Variants in TMPRSS6 observed in about 807,000 individuals in gnomAD.
TMPRSS6 encodes the protein transmembrane serine protease 6.
In TMPRSS6, 67 loss-of-function variants were observed where a neutral mutation model predicts 101.5. The ratio of observed to expected loss-of-function variants is 0.66; its 90% CI spans 0.54 to 0.81. The LOEUF (loss-of-function observed/expected upper bound fraction) is 0.81. TMPRSS6 is among the 30% of genes least tolerant of loss of function. The pLI is 0.00. For synonymous variants in TMPRSS6, 453 were observed against 464.9 expected, an observed-to-expected ratio of 0.97 and a Z score of 0.33; for missense variants, 1,034 against 1,088.7, an observed-to-expected ratio of 0.95 and a Z score of 0.71.
At chr22:37,084,582 T>A in intron 9 of TMPRSS6, 145 bp downstream of exon 9, 1 of 843,260 alleles carries the variant, frequency 1.2e-6, no homozygotes, top group Admixed American at 2.1e-5. Context: ...CACAGCCCTC[T>A]CCACCCTGGC....
At chr22:37,076,001 A>G in intron 10 of TMPRSS6, among the ~76,000 whole-genome samples, 1 of 147,806 alleles carries the variant, frequency 6.8e-6, no homozygotes, top group East Asian at 1.9e-4. Context: ...GAAAGAAAGG[A>G]AGAAAGAAAG....
chr22:37,099,244 G>A (rs549128857), intron 2 of TMPRSS6, among the ~76,000 whole-genome samples: 19 of 152,352 alleles, frequency 1.2e-4, no homozygotes, highest in African/African-American at 4.3e-4. Context: ...AGCAGAGGGA[G>A]CAGCATGGGG....
At chr22:37,074,824 C>G in intron 11 of TMPRSS6, 116 bp from the exon 12 acceptor site, 1 of 1,101,224 alleles carries the variant, frequency 9.1e-7, no homozygotes, top group Non-Finnish European at 1.4e-6. Context: ...TGGACAGGCA[C>G]CCACAGACGT....
chr22:37,089,361 G>A (rs1049708091), intron 7 of TMPRSS6, among the ~76,000 whole-genome samples: 1 of 152,130 alleles, frequency 6.6e-6, no homozygotes, highest in Middle Eastern at 3.4e-3. Context: ...GTTACAGATG[G>A]GGAAACTGAG....
Position 37,065,728 on chromosome 22 carries a change from G to T in TMPRSS6, c.*352C>A. The T allele has an allele frequency of 2.8e-6, 1 of 354,840 alleles. No homozygotes were observed. Among genetic ancestry groups the T allele is most frequent in the South Asian group, 2.7e-5 (1 of 36,604 alleles). The allele number at this position is 354,840 out of a possible 1,614,324, so 22.0% of individuals were successfully genotyped here. ...CCAAACAGCCTCTGTACAGAGTGGG[G>T]CGCACCTCAGACACTCCTCGGGATG... On this transcript the variant is annotated 3_prime_UTR_variant, in exon 18 of 18. Transcript: ENST00000676104.
At chr22:37,070,820 G>A (rs1926823950) in intron 14 of TMPRSS6, 96 bp downstream of exon 14, 7 of 1,377,716 alleles carry the variant, frequency 5.1e-6, no homozygotes, top group East Asian at 2.3e-5. Flanking sequence ...GATAGAGAGA[G>A]ACCAGGGGAC....
intron 3 of TMPRSS6, among the ~76,000 whole-genome samples, chr22:37,097,745 GGCAGGAGCGGCCACTGTCCTGTAAC>G (rs1361766914): frequency 6.2e-5 from 8 of 128,654 alleles, no homozygotes; most frequent in African/African-American, 2.3e-4. Flanking sequence ...GTAACGGAGG[GGCAGGAGCGGCCACTGTCCTGTAAC>G]GGAGGGGCAG....
chr22:37,103,685 A>G lies in TMPRSS6; in HGVS notation c.-1-267T>C. 2 of 1,199,578 alleles carry G rather than the reference A, an allele frequency of 1.7e-6. No individual in the cohort carries two copies. Among genetic ancestry groups the G allele is most frequent in the Non-Finnish European group, 2.4e-6 (2 of 822,784 alleles). 74.3% of individuals were successfully genotyped at this position (1,199,578 alleles called of 1,614,324 possible). A position where few individuals can be genotyped will look rare whatever the true frequency, so the allele number is the denominator to read the frequency against. On this transcript the variant is annotated intron_variant, in intron 1 of 17. Coordinates refer to ENST00000676104, the MANE Select transcript of TMPRSS6 (RefSeq NM_001374504.1). This position sits in a 1 kb window ranked among gnomAD's most constrained non-coding sequence, Gnocchi z 4.4. ...ACCTTTGCTTCCCACTGGCTTCCCTATGGTCAGAGGACAGACGGAGGTCTC... is the reference window on the plus strand; with the variant it reads ...ACCTTTGCTTCCCACTGGCTTCCCTGTGGTCAGAGGACAGACGGAGGTCTC...
In TMPRSS6 at chr22:37,084,717, G is replaced by A. The variant is rs1482265664; in HGVS notation, c.1086+10C>T. ...CAGAGGGCAGGTGGGCAGGCAGGGT[G>A]GGGTCTCACCGTGAGGTGCCAGGAG... On this transcript the variant is annotated intron_variant, in intron 9 of 17. Transcript: ENST00000676104. The A allele has an allele frequency of 1.3e-6, 2 of 1,553,916 alleles. No individual in the cohort carries two copies. Among genetic ancestry groups the A allele is most frequent in the South Asian group, 2.4e-5 (2 of 84,436 alleles).
chr22:37,076,889 A>G (rs1927722028), intron 10 of TMPRSS6, among the ~76,000 whole-genome samples: 1 of 152,254 alleles, frequency 6.6e-6, no homozygotes, highest in Non-Finnish European at 1.5e-5. Context: ...AGAGAGCATC[A>G]GGAATGCCCC....
rs1926598171 is a variant in TMPRSS6 at position 37,069,026 on chromosome 22, T to G, written c.2113+47A>C. ...TCCAGGCCAGGTGTTACGGCGCAGA[T>G]CCGCACGGTCTCCCTCCGCCTCCCG... On this transcript the variant is annotated intron_variant, in intron 16 of 17. Transcript: ENST00000676104. This position sits in a 1 kb window ranked among gnomAD's most constrained non-coding sequence, Gnocchi z 4.8. The G allele has an allele frequency of 1.3e-6, 2 of 1,532,596 alleles. No homozygotes were observed. Among genetic ancestry groups the G allele is most frequent in the Non-Finnish European group, 1.7e-6 (2 of 1,145,998 alleles). The allele number at this position is 1,532,596 out of a possible 1,614,324, so 94.9% of individuals were successfully genotyped here.
chr22:37,096,151 C>T (rs905395891), intron 4 of TMPRSS6, 61 bp from the exon 5 acceptor site: 3 of 1,590,186 alleles, frequency 1.9e-6, no homozygotes, highest in African/African-American at 1.3e-5. Context: ...CCCAGCTCCA[C>T]CCCTGCTCAT....
chr22:37,103,473 CT>C lies in TMPRSS6; in HGVS notation c.-1-56del, dbSNP rs775952072. On this transcript the variant is annotated intron_variant, in intron 1 of 17. Coordinates refer to ENST00000676104, the MANE Select transcript of TMPRSS6 (RefSeq NM_001374504.1). This position sits in a 1 kb window ranked among gnomAD's most constrained non-coding sequence, Gnocchi z 4.4. ...CAGCCTCGCATTTGCAAGGGAGCCT[CT>C]GCTGAGCACCGGTGGGGCACGGAAG... 1 of 1,614,252 alleles carries C rather than the reference CT, an allele frequency of 6.2e-7. No individual in the cohort carries two copies. Among genetic ancestry groups the C allele is most frequent in the South Asian group, 1.1e-5 (1 of 91,090 alleles).
intron 8 of TMPRSS6, 53 bp downstream of exon 8, chr22:37,086,230 C>A (rs1046262054): frequency 1.2e-6 from 2 of 1,612,570 alleles, no homozygotes; most frequent in African/African-American, 2.7e-5. Flanking sequence ...AGTGGAGGGC[C>A]CTTGGATTCT....
intron 1 of TMPRSS6, among the ~76,000 whole-genome samples, chr22:37,108,593 G>A (rs912212452): frequency 3.3e-5 from 5 of 152,178 alleles, no homozygotes; most frequent in South Asian, 2.1e-4. Flanking sequence ...GCGGGGCCGC[G>A]ACTCCCCCAG....
intron 11 of TMPRSS6, 40 bp downstream of exon 11, chr22:37,075,095 C>T (rs200589517): frequency 4.2e-5 from 68 of 1,613,440 alleles, no homozygotes; most frequent in African/African-American, 2.7e-4. Context: ...CAAGAGGCAG[C>T]GAGTCACTGC....
At chr22:37,089,460 T>C in intron 7 of TMPRSS6, 118 bp downstream of exon 7, 1 of 1,000,412 alleles carries the variant, frequency 1.0e-6, no homozygotes, top group Non-Finnish European at 1.5e-6. Context: ...GTCTCCCAGA[T>C]ACCCAGGCCC....
intron 14 of TMPRSS6, 38 bp from the exon 15 acceptor site, chr22:37,070,690 G>T: frequency 1.3e-6 from 2 of 1,595,494 alleles, no homozygotes; most frequent in East Asian, 2.2e-5. Flanking sequence ...GACAGAGGAG[G>T]AGGGGAAGGG....
chr22:37,094,357 TTC>T (rs1929542858), intron 6 of TMPRSS6, among the ~76,000 whole-genome samples: 1 of 151,976 alleles, frequency 6.6e-6, no homozygotes, highest in South Asian at 2.1e-4. Flanking sequence ...ATTCTAGCAA[TTC>T]TCTTTTTCCA....
Sources: allele counts gnomAD v4.1 joint callset (sites outside exome capture counted in the v4.1 genomes callset), GRCh38; gene constraint gnomAD v4.1.1; non-coding constraint Gnocchi (gnomAD v3.1); transcripts MANE v1.5; gene names NCBI Gene and HGNC (gene_info 2026-07-23, HGNC 2026-07-21).